The following MYO3B variants were observed in gnomAD, a reference collection of about 807,000 sequenced individuals.
MYO3B encodes the protein myosin IIIB.
A neutral mutation model predicts 174.6 loss-of-function variants in MYO3B; 156 were observed. The ratio of observed to expected loss-of-function variants is 0.89; its 90% CI spans 0.78 to 1.02. MYO3B has a LOEUF of 1.02. MYO3B is among the 50% of genes least tolerant of loss of function. The pLI is 0.00. For missense variants in MYO3B, 1,632 were observed against 1,639.4 expected (o/e 1.00, Z 0.08); for synonymous variants, 563 against 569.1 (o/e 0.99, Z 0.15).
intron 7 of MYO3B, among the ~76,000 whole-genome samples, chr2:170,314,336 G>T (rs962814422): frequency 1.3e-5 from 2 of 152,164 alleles, no homozygotes; most frequent in African/African-American, 4.8e-5. Flanking sequence ...GCTAGATTCT[G>T]TAGGAAATGT....
intron 19 of MYO3B, among the ~76,000 whole-genome samples, chr2:170,403,891 T>A (rs1418756700): frequency 6.6e-6 from 1 of 152,204 alleles, no homozygotes; most frequent in Non-Finnish European, 1.5e-5. Context: ...TTTGTCGAAC[T>A]CCTTGCAGAA....
At position 170,234,178 on chromosome 2, in the gene MYO3B, A is replaced by C. The variant is rs575558100; in HGVS notation, c.604-1813A>C. On this transcript the variant is annotated intron_variant, in intron 6 of 34. Transcript: ENST00000408978. ...AGAGTGAGACTCCGTCTCAAAAAAA[A>C]AAAAAAAAACAAAACAAAACAAAAA... is the stretch of plus-strand genomic sequence containing the variant. Among the ~76,000 whole-genome samples the C allele has an allele frequency of 1.7e-4, 12 of 71,516 alleles. 1 individual carries two copies. Among genetic ancestry groups the C allele is most frequent in the African/African-American group, 8.3e-4 (11 of 13,270 alleles). The allele number at this position is 71,516 out of a possible 152,430, so 46.9% of individuals were successfully genotyped here. A position where few individuals can be genotyped will look rare whatever the true frequency, so the allele number is the denominator to read the frequency against.
At position 170,636,400 on chromosome 2, in the gene MYO3B, CTT is replaced by C. The variant is rs10712536; in HGVS notation, c.3734-15214_3734-15213del. 1.2e-3 allele frequency among the ~76,000 whole-genome samples: 175 copies of C among 142,872 alleles called. 1 individual carries two copies. Among genetic ancestry groups the C allele is most frequent in the African/African-American group, 3.3e-3 (128 of 39,110 alleles). The allele number at this position is 142,872 out of a possible 152,430, so 93.7% of individuals were successfully genotyped here. On this transcript the variant is annotated intron_variant, in intron 32 of 34. Transcript: ENST00000408978. ...GAAAAGAAAAGATCTCCATGAATTTCTTTTTTTTTTTTTTTAAGCCAACTTTG... is the reference window on the plus strand; with the variant it reads ...GAAAAGAAAAGATCTCCATGAATTTCTTTTTTTTTTTTTAAGCCAACTTTG...
intron 6 of MYO3B, among the ~76,000 whole-genome samples, chr2:170,221,552 TTCTCTTACTACCTCATTTGGACAC>T (rs1302736037): frequency 6.6e-6 from 1 of 152,192 alleles, no homozygotes; most frequent in East Asian, 1.9e-4. Flanking sequence ...CCTACTCATT[TTCTCTTACTACCTCATTTGGACAC>T]TACTAAAGTT....
At chr2:170,415,930 C>CA (rs1215446756) in intron 22 of MYO3B, among the ~76,000 whole-genome samples, 2 of 151,968 alleles carry the variant, frequency 1.3e-5, no homozygotes, top group Non-Finnish European at 2.9e-5. Context: ...GTGTTCCCTC[C>CA]AAAAAAAGAT....
intron 30 of MYO3B, among the ~76,000 whole-genome samples, chr2:170,532,808 C>A (rs1689441830): frequency 1.6e-5 from 2 of 125,102 alleles, no homozygotes; most frequent in Non-Finnish European, 1.6e-5. Flanking sequence ...AAGAGTGAAA[C>A]TCTGTCTCAA....
At position 170,362,924 on chromosome 2, in the gene MYO3B, A is replaced by G. The variant is rs529501694; in HGVS notation, c.816-6298A>G. Among the ~76,000 whole-genome samples, 6 of 152,314 alleles carry G rather than the reference A, an allele frequency of 3.9e-5. No homozygotes were observed. The East Asian group carries it at 9.6e-4, about 24-fold the overall frequency. ...CCTGTTTGTCATAGTCTTGTCTTGCAGAATGGAAATTTTCTTCCAAGGCAG... is the reference window on the plus strand; with the variant it reads ...CCTGTTTGTCATAGTCTTGTCTTGCGGAATGGAAATTTTCTTCCAAGGCAG... On this transcript the variant is annotated intron_variant, in intron 8 of 34. Transcript: ENST00000408978.
intron 32 of MYO3B, among the ~76,000 whole-genome samples, chr2:170,582,192 G>A (rs10209305): frequency 6.6e-6 from 1 of 152,030 alleles, no homozygotes. Flanking sequence ...GGCTACAGAC[G>A]CACTACCAGC....
intron 7 of MYO3B, among the ~76,000 whole-genome samples, chr2:170,242,347 T>C (rs961746266): frequency 1.1e-4 from 16 of 152,224 alleles, no homozygotes; most frequent in African/African-American, 3.9e-4. Flanking sequence ...CCATTTTTAA[T>C]GGATTGCCTT....
intron 29 of MYO3B, 144 bp downstream of exon 29, chr2:170,515,166 T>C: frequency 1.5e-6 from 1 of 664,340 alleles, no homozygotes; most frequent in Non-Finnish European, 2.5e-6. Flanking sequence ...GCCAATTAAA[T>C]TTAAGGCCAA....
chr2:170,486,258 A>G (rs1686040074), intron 25 of MYO3B, among the ~76,000 whole-genome samples: 2 of 151,840 alleles, frequency 1.3e-5, no homozygotes, highest in African/African-American at 4.8e-5. Flanking sequence ...ACAGTATCAG[A>G]TCAATGATAA....
At chr2:170,308,935 G>A (rs2093719115) in intron 7 of MYO3B, among the ~76,000 whole-genome samples, 1 of 152,120 alleles carries the variant, frequency 6.6e-6, no homozygotes, top group South Asian at 2.1e-4. Context: ...GGAAGTAGAG[G>A]GGCCTGGGGT....
intron 32 of MYO3B, among the ~76,000 whole-genome samples, chr2:170,631,087 T>A (rs140205917): frequency 1.3e-5 from 2 of 152,068 alleles, no homozygotes; most frequent in African/African-American, 2.4e-5. Flanking sequence ...AGGCTTCAGA[T>A]GACCAAACTT....
At chr2:170,422,081 A>G (rs922159500) in intron 22 of MYO3B, among the ~76,000 whole-genome samples, 1 of 152,226 alleles carries the variant, frequency 6.6e-6, no homozygotes, top group African/African-American at 2.4e-5. Flanking sequence ...CAGCTTCCAC[A>G]TCTGCAAATT....
chr2:170,630,874 G>T (rs1696904274), intron 32 of MYO3B, among the ~76,000 whole-genome samples: 1 of 152,176 alleles, frequency 6.6e-6, no homozygotes, highest in African/African-American at 2.4e-5. Flanking sequence ...CAACAAAAAG[G>T]ACATCCACAC....
At chr2:170,455,663 A>T (rs969633020) in intron 23 of MYO3B, among the ~76,000 whole-genome samples, 1 of 152,220 alleles carries the variant, frequency 6.6e-6, no homozygotes, top group African/African-American at 2.4e-5. Context: ...AGTTTTGATA[A>T]CTATTTAAAA....
intron 7 of MYO3B, among the ~76,000 whole-genome samples, chr2:170,325,792 C>T (rs2093862362): frequency 6.6e-6 from 1 of 152,094 alleles, no homozygotes; most frequent in African/African-American, 2.4e-5. Context: ...CCAAGACTGG[C>T]CAGATAAGTC....
At chr2:170,526,657 C>T (rs1275696128) in intron 30 of MYO3B, among the ~76,000 whole-genome samples, 2 of 152,158 alleles carry the variant, frequency 1.3e-5, no homozygotes, top group Non-Finnish European at 2.9e-5. Context: ...ATTGCTAGAG[C>T]TTTCTTAGAC....
rs1166300533 is a variant in MYO3B at position 170,527,342 on chromosome 2, AG to A, written c.3575+7803del. Among the ~76,000 whole-genome samples the A allele has an allele frequency of 1.9e-4, 29 of 152,374 alleles. 1 individual carries two copies. The highest frequency in any genetic ancestry group is 5.3e-4 in the African/African-American group (22 of 41,592). On this transcript the variant is annotated intron_variant, in intron 30 of 34. Transcript: ENST00000408978. ...ATGTTTTGTTGTTCTATAGGTCAAA[AG>A]ATGTAAACCCATAGTGTTTGGGTAG...
Sources: gnomAD v4.1 joint callset for allele counts (sites outside exome capture counted in the v4.1 genomes callset) on GRCh38, gnomAD v4.1.1 for gene constraint, MANE v1.5 for transcripts, NCBI Gene and HGNC (gene_info 2026-07-23, HGNC 2026-07-21) for gene names.